Variants in LRRC49 observed in about 807,000 individuals in gnomAD.
The protein encoded by LRRC49 is leucine-rich repeat-containing protein 49.
In LRRC49, 50 loss-of-function variants were observed where a neutral mutation model predicts 83.3. The observed-to-expected ratio is 0.60, with a 90% CI of 0.48 to 0.76. The LOEUF (loss-of-function observed/expected upper bound fraction) is 0.76. LRRC49 is among the 30% of genes least tolerant of loss of function. LRRC49 has a pLI of 0.00. For synonymous variants in LRRC49, 286 were observed against 283.3 expected (o/e 1.01, Z -0.10); for missense variants, 704 against 809.1 (o/e 0.87, Z 1.58).
chr15:70,892,997 C>T, intron 1 of LRRC49, 55 bp downstream of exon 1: 1 of 1,584,758 alleles, frequency 6.3e-7, no homozygotes. Context: ...TTCTGACTGG[C>T]GTCTTTGTCC....
intron 15 of LRRC49, among the ~76,000 whole-genome samples, chr15:71,044,886 CTTTTTT>C: frequency 1.3e-5 from 1 of 74,494 alleles, no homozygotes; most frequent in East Asian, 4.3e-4. Flanking sequence ...CAGAAACAAT[CTTTTTT>C]TTTTTTTTTT....
intron 14 of LRRC49, among the ~76,000 whole-genome samples, chr15:71,034,733 C>T (rs2039467115): frequency 6.6e-6 from 1 of 152,048 alleles, no homozygotes; most frequent in Non-Finnish European, 1.5e-5. Flanking sequence ...AGGTCATGTC[C>T]CTTGCAAGGA....
intron 2 of LRRC49, among the ~76,000 whole-genome samples, chr15:70,874,899 C>T (rs1442099298): frequency 3.9e-5 from 6 of 152,194 alleles, no homozygotes; most frequent in Non-Finnish European, 8.8e-5. Context: ...GAGCAGTCAG[C>T]GAACAACAGC....
intron 7 of LRRC49, among the ~76,000 whole-genome samples, chr15:70,933,663 A>G (rs1007082524): frequency 4.6e-5 from 7 of 152,226 alleles, no homozygotes; most frequent in Admixed American, 3.9e-4. Flanking sequence ...GTAAAAGCAC[A>G]CTGCCTTGAC....
At chr15:70,991,778 C>A (rs2037889209) in intron 11 of LRRC49, among the ~76,000 whole-genome samples, 1 of 152,114 alleles carries the variant, frequency 6.6e-6, no homozygotes, top group Non-Finnish European at 1.5e-5. Flanking sequence ...CTCTGAAACA[C>A]CTTTTAAAAC....
chr15:71,023,185 G>A (rs2039046836), intron 14 of LRRC49, among the ~76,000 whole-genome samples: 2 of 152,182 alleles, frequency 1.3e-5, no homozygotes, highest in African/African-American at 4.8e-5. Context: ...AATGGGTATA[G>A]TGGGAAAGAA....
intron 14 of LRRC49, among the ~76,000 whole-genome samples, chr15:71,020,294 A>G (rs1266973439): frequency 6.6e-6 from 1 of 152,200 alleles, no homozygotes; most frequent in African/African-American, 2.4e-5. Context: ...AGAAAAGAAG[A>G]TAGAGTATAT....
rs1488279996 is a variant in LRRC49 at position 71,052,552 on chromosome 15, T to A, written c.*2940T>A. On this transcript the variant is annotated 3_prime_UTR_variant, in exon 16 of 16. Coordinates refer to ENST00000260382, the MANE Select transcript of LRRC49 (RefSeq NM_017691.5). The stretch of plus-strand genomic sequence containing the variant: ...GTAAGACAGTGCAACCCTACCATGC[T>A]CCTGATCTATTCCTGATTGGGCAAG... 6.6e-6 allele frequency: 1 copy of A among 152,172 alleles called. No individual in the cohort carries two copies. The highest frequency in any genetic ancestry group is 1.5e-5 in the Non-Finnish European group (1 of 68,020). The allele number at this position is 152,172 out of a possible 1,614,324, so 9.4% of individuals were successfully genotyped here. A position where few individuals can be genotyped will look rare whatever the true frequency, so the allele number is the denominator to read the frequency against.
At chr15:70,954,890 G>A (rs931295382) in intron 8 of LRRC49, among the ~76,000 whole-genome samples, 6 of 152,138 alleles carry the variant, frequency 3.9e-5, no homozygotes, top group African/African-American at 1.4e-4. Flanking sequence ...GGCAGGATAT[G>A]CTCCAGTGGG....
intron 1 of LRRC49, among the ~76,000 whole-genome samples, chr15:70,857,429 G>A (rs7162210): frequency 0.017 from 2,614 of 152,146 alleles, 80 homozygotes; most frequent in African/African-American, 0.059. Context: ...CCAGGAGGTC[G>A]AGGCTGCAGT....
chr15:70,959,383 C>T (rs1460028435), intron 8 of LRRC49, among the ~76,000 whole-genome samples: 7 of 151,622 alleles, frequency 4.6e-5, no homozygotes, highest in African/African-American at 7.3e-5. Context: ...CCCAGCTACT[C>T]GGGAGGCCGA....
chr15:71,021,696 T>C (rs1042131360), intron 14 of LRRC49, among the ~76,000 whole-genome samples: 9 of 152,210 alleles, frequency 5.9e-5, no homozygotes, highest in African/African-American at 2.2e-4. Flanking sequence ...ACCTTGGCTC[T>C]CTCACTTGTT....
chr15:70,992,913 G>A (rs974612748), intron 11 of LRRC49, among the ~76,000 whole-genome samples: 1 of 152,202 alleles, frequency 6.6e-6, no homozygotes, highest in Non-Finnish European at 1.5e-5. Flanking sequence ...AAAGCTGTCA[G>A]ACAGGGACAT....
At position 71,037,246 on chromosome 15, in the gene LRRC49, A is replaced by T. The variant is rs1567111580; in HGVS notation, c.1771A>T (p.Asn591Tyr). Reference protein sequence around the residue: ...KKPGIINEENNDSKRLVGENT... With the variant: ...KKPGIINEENYDSKRLVGENT... The stretch of plus-strand genomic sequence containing the variant: ...ACCTGGTATTATCAACGAAGAAAAT[A>T]ATGACAGCAAAAGACTTGTAGGAGA... The change falls in exon 15 of 16, where the codon AAT becomes TAT. Residue 591 changes from asparagine (N) to tyrosine (Y), a missense_variant. This residue lies in a region of LRRC49 where 275 missense variants were observed against 338.0 expected (regional missense o/e 0.81). Transcript: ENST00000260382. 1 of 1,610,744 alleles carries T rather than the reference A, an allele frequency of 6.2e-7. No individual in the cohort carries two copies. The highest frequency in any genetic ancestry group is 8.5e-7 in the Non-Finnish European group (1 of 1,177,606).
At chr15:70,910,559 T>A (rs2034510097) in intron 5 of LRRC49, among the ~76,000 whole-genome samples, 1 of 152,198 alleles carries the variant, frequency 6.6e-6, no homozygotes, top group Non-Finnish European at 1.5e-5. Flanking sequence ...TGTTGTTCTT[T>A]TTTTGCCATT....
chr15:71,012,971 A>T, intron 14 of LRRC49, 58 bp downstream of exon 14: 1 of 1,056,750 alleles, frequency 9.5e-7, no homozygotes, highest in Non-Finnish European at 1.4e-6. Context: ...AAAAAGAAAT[A>T]AATTCCACAT....
rs542841142 is a variant in LRRC49 at position 70,946,800 on chromosome 15, T to C, written c.773+9978T>C. Among the ~76,000 whole-genome samples the C allele has an allele frequency of 7.2e-5, 11 of 152,318 alleles. No homozygotes were observed. The South Asian group carries it at 2.3e-3, about 32-fold the overall frequency. On this transcript the variant is annotated intron_variant, in intron 8 of 15. Coordinates refer to ENST00000260382, the MANE Select transcript of LRRC49 (RefSeq NM_017691.5). Reference sequence around the variant, plus strand: ...ACCCATCCTAACAGGTGTGAGATGATATCTCATTGTGGTTTTAATTTAATG... The same window carrying C: ...ACCCATCCTAACAGGTGTGAGATGACATCTCATTGTGGTTTTAATTTAATG...
intron 6 of LRRC49, among the ~76,000 whole-genome samples, chr15:70,916,289 T>C (rs1287849239): frequency 1.3e-5 from 2 of 151,884 alleles, no homozygotes; most frequent in Non-Finnish European, 2.9e-5. Context: ...GTGCTGATTA[T>C]TTATTATTAT....
At chr15:71,035,265 A>C (rs1482852130) in intron 14 of LRRC49, among the ~76,000 whole-genome samples, 1 of 152,220 alleles carries the variant, frequency 6.6e-6, no homozygotes, top group Non-Finnish European at 1.5e-5. Context: ...TGTTTAGTAT[A>C]ATCTTAATTT....
Sources: gnomAD v4.1 joint callset for allele counts (sites outside exome capture counted in the v4.1 genomes callset) on GRCh38, gnomAD v4.1.1 for gene constraint, gnomAD v4.1.1 regional missense constraint, MANE v1.5 for transcripts, NCBI Gene and HGNC (gene_info 2026-07-23, HGNC 2026-07-21) for gene names.